SHANK2: variants seen among roughly 807,000 people sequenced by gnomAD.
SHANK2 encodes SH3 and multiple ankyrin repeat domains protein 2.
A neutral mutation model predicts 133.7 loss-of-function variants in SHANK2; 43 were observed. The observed-to-expected ratio is 0.32, with a 90% CI of 0.25 to 0.41. The LOEUF (loss-of-function observed/expected upper bound fraction) is 0.41. Ranked by LOEUF, SHANK2 falls within the 10% of genes least tolerant of loss-of-function variation. The pLI is 1.00. For synonymous variants in SHANK2, 1,017 were observed against 952.8 expected, an observed-to-expected ratio of 1.07 and a Z score of -1.24; for missense variants, 1,994 against 2,235.8, an observed-to-expected ratio of 0.89 and a Z score of 2.18.
intron 11 of SHANK2, among the ~76,000 whole-genome samples, chr11:70,880,738 C>T (rs1474591967): frequency 4.6e-5 from 7 of 152,240 alleles, no homozygotes; most frequent in Admixed American, 3.9e-4. Context: ...AGAACCTCTG[C>T]CCCACTGACG....
chr11:70,757,463 G>A (rs782672572), intron 14 of SHANK2, among the ~76,000 whole-genome samples: 5 of 152,350 alleles, frequency 3.3e-5, no homozygotes, highest in Admixed American at 1.3e-4. Flanking sequence ...CCAGCCCTGC[G>A]GCAGCAGCTC....
intron 7 of SHANK2, 97 bp downstream of exon 7, chr11:71,094,440 A>G (rs1255826431): frequency 1.6e-6 from 2 of 1,248,812 alleles, no homozygotes; most frequent in Non-Finnish European, 2.2e-6. Flanking sequence ...AACACTGTGC[A>G]CGGACCCCCT....
At chr11:70,512,456 A>G (rs1342889123) in intron 17 of SHANK2, among the ~76,000 whole-genome samples, 5 of 151,954 alleles carry the variant, frequency 3.3e-5, no homozygotes, top group African/African-American at 1.2e-4. Context: ...CATAGCTTAA[A>G]CTCTATAGTA....
chr11:70,508,899 G>C (rs1183482736), intron 17 of SHANK2, among the ~76,000 whole-genome samples: 3 of 152,202 alleles, frequency 2.0e-5, no homozygotes, highest in Non-Finnish European at 4.4e-5. Context: ...AAAAGAAAGA[G>C]AGTCGGGGGA....
intron 11 of SHANK2, among the ~76,000 whole-genome samples, chr11:70,841,252 C>T (rs1009710125): frequency 1.6e-4 from 24 of 152,200 alleles, no homozygotes; most frequent in South Asian, 4.2e-4. Flanking sequence ...GCCTGGGTGG[C>T]GGAGCGAGAC....
intron 14 of SHANK2, among the ~76,000 whole-genome samples, chr11:70,761,535 C>T (rs1270580202): frequency 6.6e-6 from 1 of 152,250 alleles, no homozygotes; most frequent in East Asian, 1.9e-4. Context: ...GTGAGTGACG[C>T]ACCTCTATGG....
rs1016366965 is a variant in SHANK2, at chr11:71,059,744, G to A, written c.1030-3186C>T. 7.1e-3 allele frequency among the ~76,000 whole-genome samples: 1,081 copies of A among 152,314 alleles called. 10 individuals are homozygous for A. Among genetic ancestry groups the A allele is most frequent in the Non-Finnish European group, 0.01 (688 of 68,028 alleles). ...CTGCGCTCACTTGGGAGACACAGGT[G>A]GGCGGATCTGAGTTGGGTAGTAAAG... On this transcript the variant is annotated intron_variant, in intron 9 of 25. Coordinates refer to ENST00000601538, the MANE Select transcript of SHANK2 (RefSeq NM_012309.5).
intron 10 of SHANK2, among the ~76,000 whole-genome samples, chr11:70,937,675 G>A (rs1295383670): frequency 1.3e-5 from 2 of 151,948 alleles, no homozygotes; most frequent in Non-Finnish European, 2.9e-5. Context: ...TATAGTGTGT[G>A]TGCGTGCATC....
At chr11:70,925,661 G>T (rs1381964524) in intron 10 of SHANK2, among the ~76,000 whole-genome samples, 1 of 152,240 alleles carries the variant, frequency 6.6e-6, no homozygotes, top group Non-Finnish European at 1.5e-5. Flanking sequence ...GATTTGCACA[G>T]CGTGCCTACT....
intron 3 of SHANK2, among the ~76,000 whole-genome samples, chr11:71,122,466 G>A (rs1287192948): frequency 6.6e-6 from 1 of 152,130 alleles, no homozygotes; most frequent in Non-Finnish European, 1.5e-5. Flanking sequence ...TGGACACAGG[G>A]CAGGGGAACA....
chr11:70,562,905 C>A (rs1411173408), intron 17 of SHANK2, among the ~76,000 whole-genome samples: 1 of 152,138 alleles, frequency 6.6e-6, no homozygotes, highest in Non-Finnish European at 1.5e-5. Flanking sequence ...CAGAGTCTCG[C>A]TCTGTCACTA....
At chr11:70,586,185 A>C (rs569041036) in intron 17 of SHANK2, among the ~76,000 whole-genome samples, 1 of 152,220 alleles carries the variant, frequency 6.6e-6, no homozygotes, top group South Asian at 2.1e-4. Flanking sequence ...CTTCTCTAGG[A>C]TGTAACTGTC....
chr11:70,924,089 C>T (rs1950392484), intron 10 of SHANK2, among the ~76,000 whole-genome samples: 1 of 152,190 alleles, frequency 6.6e-6, no homozygotes, highest in Admixed American at 6.5e-5. Context: ...ACAGGGAAAG[C>T]CTTGCCGGGC....
At chr11:70,496,561 G>T (rs2058973579) in intron 21 of SHANK2, among the ~76,000 whole-genome samples, 1 of 152,234 alleles carries the variant, frequency 6.6e-6, no homozygotes. Flanking sequence ...CCTGAATCTG[G>T]TGGAAGTTCT....
chr11:70,482,305 G>T (rs1370167981), intron 25 of SHANK2, among the ~76,000 whole-genome samples: 5 of 151,246 alleles, frequency 3.3e-5, no homozygotes, highest in Non-Finnish European at 5.9e-5. Flanking sequence ...CGGCCGCAGG[G>T]TGACCTCCTA....
At chr11:70,949,282 C>T (rs966070118) in intron 10 of SHANK2, among the ~76,000 whole-genome samples, 5 of 152,212 alleles carry the variant, frequency 3.3e-5, no homozygotes, top group Admixed American at 6.5e-5. Flanking sequence ...ACACAGGCAG[C>T]GGGGGTGAAA....
At chr11:70,615,590 C>T (rs11236870) in intron 17 of SHANK2, among the ~76,000 whole-genome samples, 55,690 of 152,056 alleles carry the variant, frequency 0.37, 10,567 homozygotes, top group Middle Eastern at 0.47. Flanking sequence ...CTGAGCCTTA[C>T]AGGCTGGCTC....
At chr11:70,630,263 C>G (rs1453110208) in intron 17 of SHANK2, among the ~76,000 whole-genome samples, 1 of 152,208 alleles carries the variant, frequency 6.6e-6, no homozygotes, top group African/African-American at 2.4e-5. Context: ...GCAGCGATGC[C>G]CCAGGTCCCA....
chr11:70,644,698 G>T (rs1487005777), intron 17 of SHANK2, among the ~76,000 whole-genome samples: 1 of 152,232 alleles, frequency 6.6e-6, no homozygotes, highest in Non-Finnish European at 1.5e-5. Flanking sequence ...TGAGGACAGT[G>T]CTGAAATCCA....
Sources: gnomAD v4.1 joint callset for allele counts (sites outside exome capture counted in the v4.1 genomes callset) on GRCh38, gnomAD v4.1.1 for gene constraint, MANE v1.5 for transcripts, NCBI Gene and HGNC (gene_info 2026-07-23, HGNC 2026-07-21) for gene names.